Variants in COL8A1 observed in about 807,000 individuals in gnomAD.
COL8A1 encodes collagen alpha-1(VIII) chain.
In COL8A1, 21 loss-of-function variants were observed where a neutral mutation model predicts 42.7. The observed-to-expected ratio is 0.49, with a 90% CI of 0.35 to 0.71. COL8A1 has a LOEUF of 0.71. COL8A1 is among the 30% of genes least tolerant of loss of function. COL8A1 has a pLI of 0.01. For missense variants in COL8A1, 788 were observed against 962.4 expected (o/e 0.82, Z 2.40); for synonymous variants, 367 against 369.1 (o/e 0.99, Z 0.06).
At chr3:99,665,406 C>A (rs1938334536) in intron 1 of COL8A1, among the ~76,000 whole-genome samples, 1 of 152,160 alleles carries the variant, frequency 6.6e-6, no homozygotes, top group South Asian at 2.1e-4. Context: ...GGTGTCTTTG[C>A]CATAGGGCTG....
intron 2 of COL8A1, among the ~76,000 whole-genome samples, chr3:99,753,723 C>T (rs954743546): frequency 2.6e-5 from 4 of 152,134 alleles, no homozygotes; most frequent in African/African-American, 9.7e-5. Context: ...GTCTTATCTA[C>T]ATTTGTATCT....
At chr3:99,719,211 A>G (rs1289455487) in intron 1 of COL8A1, among the ~76,000 whole-genome samples, 5 of 152,090 alleles carry the variant, frequency 3.3e-5, no homozygotes. Flanking sequence ...GATCATTACT[A>G]TTATTATTAT....
intron 1 of COL8A1, among the ~76,000 whole-genome samples, chr3:99,651,760 C>T (rs16841583): frequency 0.11 from 16,818 of 152,238 alleles, 1,049 homozygotes; most frequent in African/African-American, 0.16. Flanking sequence ...GGCCACCCTA[C>T]GTGCTTTCCT....
chr3:99,649,234 A>G (rs1242302777), intron 1 of COL8A1, among the ~76,000 whole-genome samples: 2 of 152,080 alleles, frequency 1.3e-5, no homozygotes, highest in Non-Finnish European at 2.9e-5. Context: ...GCCCTGCCAC[A>G]GTTGTCTCCA....
At chr3:99,645,141 T>A (rs7645305) in intron 1 of COL8A1, among the ~76,000 whole-genome samples, 1 of 152,086 alleles carries the variant, frequency 6.6e-6, no homozygotes. Flanking sequence ...GTCTACACTC[T>A]GACGATAAGC....
chr3:99,775,722 C>T (rs1174724325), intron 2 of COL8A1, among the ~76,000 whole-genome samples: 2 of 152,180 alleles, frequency 1.3e-5, no homozygotes, highest in Admixed American at 1.3e-4. Context: ...CCACCTATAC[C>T]TCCCAGACTG....
At chr3:99,736,539 T>C (rs545451704) in intron 1 of COL8A1, among the ~76,000 whole-genome samples, 4 of 151,998 alleles carry the variant, frequency 2.6e-5, no homozygotes, top group Non-Finnish European at 5.9e-5. Context: ...AGTTGAGCGG[T>C]TTTGAGTGAG....
In COL8A1 at chr3:99,798,384, G is replaced by A. The variant is rs577916003; in HGVS notation, c.*2248G>A. The A allele has an allele frequency of 6.6e-6, 1 of 152,276 alleles. No individual in the cohort carries two copies. The highest frequency in any genetic ancestry group is 1.9e-4 in the East Asian group (1 of 5,188). 9.4% of individuals were successfully genotyped at this position (152,276 alleles called of 1,614,324 possible). ...ATACTGGTTTTGGGCTGATGACTATGGTGGGCAGCATGGATCCATTGGGCT... is the reference window on the plus strand; with the variant it reads ...ATACTGGTTTTGGGCTGATGACTATAGTGGGCAGCATGGATCCATTGGGCT... On this transcript the variant is annotated 3_prime_UTR_variant, in exon 4 of 4. Coordinates refer to ENST00000652472, the MANE Select transcript of COL8A1 (RefSeq NM_020351.4).
At chr3:99,662,973 G>T (rs1938254012) in intron 1 of COL8A1, among the ~76,000 whole-genome samples, 1 of 152,066 alleles carries the variant, frequency 6.6e-6, no homozygotes. Context: ...CTTTCTCAAA[G>T]ATATCATGTT....
chr3:99,690,664 T>A (rs894363818), intron 1 of COL8A1, among the ~76,000 whole-genome samples: 5 of 152,222 alleles, frequency 3.3e-5, no homozygotes, highest in African/African-American at 1.2e-4. Flanking sequence ...CCCCTTTGCT[T>A]TGAGAAGTAA....
chr3:99,732,983 TA>T (rs1176446470), intron 1 of COL8A1, among the ~76,000 whole-genome samples: 2 of 151,976 alleles, frequency 1.3e-5, no homozygotes, highest in Non-Finnish European at 2.9e-5. Flanking sequence ...AGCCAAATAT[TA>T]AAGCTCCAGA....
At position 99,790,926 on chromosome 3, in the gene COL8A1, G is replaced by C. The variant is rs146213785; in HGVS notation, c.244G>C (p.Glu82Gln). The change falls in exon 3 of 4, where the codon GAG becomes CAG. Residue 82 changes from glutamate (E) to glutamine (Q), a missense_variant. Glu to Gln is a conservative substitution (Grantham distance 29, BLOSUM62 2). This residue lies in a region of COL8A1 where 421 missense variants were observed against 553.1 expected (regional missense o/e 0.76). Coordinates refer to ENST00000652472, the MANE Select transcript of COL8A1 (RefSeq NM_020351.4). ...GATGCCCCACTTGCAGTATGGCAAAGAGTATCCACACCTACCCCAATATAT... is the reference window on the plus strand; with the variant it reads ...GATGCCCCACTTGCAGTATGGCAAACAGTATCCACACCTACCCCAATATAT... The part of the protein sequence containing the change: ...KEMPHLQYGK[E>Q]YPHLPQYMKE... 1 of 1,614,222 alleles carries C rather than the reference G, an allele frequency of 6.2e-7. No individual in the cohort carries two copies. The highest frequency in any genetic ancestry group is 8.5e-7 in the Non-Finnish European group (1 of 1,180,028).
chr3:99,664,494 AAAAT>A (rs1283713434), intron 1 of COL8A1, among the ~76,000 whole-genome samples: 4 of 151,988 alleles, frequency 2.6e-5, no homozygotes, highest in Admixed American at 6.5e-5. Flanking sequence ...AAAAAAAAAT[AAAAT>A]AAAAAAAAAA....
At chr3:99,753,538 G>A (rs191424125) in intron 2 of COL8A1, among the ~76,000 whole-genome samples, 60 of 152,280 alleles carry the variant, frequency 3.9e-4, no homozygotes, top group Non-Finnish European at 6.6e-4. Context: ...CCATCAGTTA[G>A]TACCGCTGCA....
intron 1 of COL8A1, among the ~76,000 whole-genome samples, chr3:99,684,325 A>C (rs1938983604): frequency 6.6e-6 from 1 of 152,110 alleles, no homozygotes; most frequent in East Asian, 1.9e-4. Flanking sequence ...TTCTATTTTA[A>C]ATGTGTAAAA....
chr3:99,759,682 T>C (rs973335071), intron 2 of COL8A1, among the ~76,000 whole-genome samples: 2 of 152,222 alleles, frequency 1.3e-5, no homozygotes, highest in Admixed American at 6.5e-5. Context: ...TTTGAAAAGC[T>C]GTATCTACAT....
chr3:99,753,320 C>A (rs973100525), intron 2 of COL8A1, among the ~76,000 whole-genome samples: 1 of 152,154 alleles, frequency 6.6e-6, no homozygotes, highest in Non-Finnish European at 1.5e-5. Flanking sequence ...GAAAGGCACT[C>A]CTGATATGAT....
intron 2 of COL8A1, among the ~76,000 whole-genome samples, chr3:99,775,678 A>G (rs953519303): frequency 6.6e-6 from 1 of 152,120 alleles, no homozygotes; most frequent in Non-Finnish European, 1.5e-5. Flanking sequence ...TTGTACCTCC[A>G]TGTTACTCTC....
chr3:99,721,109 C>CAA (rs1482225630), intron 1 of COL8A1, among the ~76,000 whole-genome samples: 3 of 152,018 alleles, frequency 2.0e-5, no homozygotes, highest in Non-Finnish European at 4.4e-5. Context: ...GATAGTGAAG[C>CAA]ACAAAAGAGC....
Sources: gnomAD v4.1 joint callset for allele counts (sites outside exome capture counted in the v4.1 genomes callset) on GRCh38, gnomAD v4.1.1 for gene constraint, gnomAD v4.1.1 regional missense constraint, MANE v1.5 for transcripts, NCBI Gene and HGNC (gene_info 2026-07-23, HGNC 2026-07-21) for gene names.